The following MIB1 variants were observed in gnomAD, a reference collection of about 807,000 sequenced individuals.
MIB1 encodes the protein MIB E3 ubiquitin protein ligase 1.
In MIB1, 278 loss-of-function variants were observed where a neutral mutation model predicts 124.5. The observed-to-expected ratio is 2.23, with a 90% CI of 2.02 to 2.47. The LOEUF (loss-of-function observed/expected upper bound fraction) is 2.47. Among genes scored for constraint, MIB1 ranks in the 30% most tolerant of loss-of-function variants. The pLI, the probability that MIB1 is intolerant of heterozygous loss-of-function variation, is 0.00. For synonymous variants in MIB1, 446 were observed against 429.4 expected, an observed-to-expected ratio of 1.04 and a Z score of -0.48; for missense variants, 957 against 1,254.4, an observed-to-expected ratio of 0.76 and a Z score of 3.58.
At position 21,849,300 on chromosome 18, in the gene MIB1, C is replaced by T. The variant is rs756703693; in HGVS notation, c.2498C>T (p.Pro833Leu). Residue 833 changes from proline to leucine, a missense_variant, in exon 17 of 21, where the codon CCA becomes CTA. Transcript: ENST00000261537. ...SDMKRDTLFG[P>L]CGHIATCSLC... ...ATGAAGAGAGATACTCTTTTTGGTCCATGTGGACATATTGCTACCTGTTCT... is the reference window on the plus strand; with the variant it reads ...ATGAAGAGAGATACTCTTTTTGGTCTATGTGGACATATTGCTACCTGTTCT... 1.5e-5 allele frequency: 24 copies of T among 1,612,566 alleles called. No individual in the cohort carries two copies. Among genetic ancestry groups the T allele is most frequent in the Non-Finnish European group, 2.0e-5 (23 of 1,179,208 alleles).
intron 1 of MIB1, among the ~76,000 whole-genome samples, chr18:21,708,745 GTCT>G (rs1242742124): frequency 2.1e-4 from 32 of 152,260 alleles, no homozygotes; most frequent in African/African-American, 6.7e-4. Flanking sequence ...TTCAATCAGT[GTCT>G]TCTTGGGTGA....
chr18:21,860,425 A>G (rs1305217497), intron 20 of MIB1, among the ~76,000 whole-genome samples: 8 of 152,006 alleles, frequency 5.3e-5, no homozygotes, highest in Non-Finnish European at 1.2e-4. Flanking sequence ...ATATATATCA[A>G]CAAATATGCT....
intron 7 of MIB1, among the ~76,000 whole-genome samples, chr18:21,796,660 C>T (rs1416137933): frequency 6.6e-6 from 1 of 152,258 alleles, no homozygotes; most frequent in East Asian, 1.9e-4. Context: ...AATAACCAAA[C>T]TTAGTGCCCA....
chr18:21,793,631 A>G (rs1187430052), intron 7 of MIB1, among the ~76,000 whole-genome samples: 1 of 151,530 alleles, frequency 6.6e-6, no homozygotes, highest in Non-Finnish European at 1.5e-5. Context: ...AAATACAAAA[A>G]TTAGCCAGGT....
chr18:21,767,110 A>G (rs1483790220), intron 2 of MIB1, among the ~76,000 whole-genome samples: 1 of 152,132 alleles, frequency 6.6e-6, no homozygotes. Flanking sequence ...TAAAATCCAG[A>G]CCACAGATGT....
intron 1 of MIB1, among the ~76,000 whole-genome samples, chr18:21,721,744 A>T (rs2040716793): frequency 6.6e-6 from 1 of 152,164 alleles, no homozygotes; most frequent in Non-Finnish European, 1.5e-5. Flanking sequence ...AATTATGTTT[A>T]AAAATATATT....
chr18:21,772,675 G>GTA (rs971548041), intron 3 of MIB1, among the ~76,000 whole-genome samples: 21 of 151,900 alleles, frequency 1.4e-4, no homozygotes, highest in East Asian at 3.9e-4. Context: ...GGCAACCCCA[G>GTA]TATATATATA....
At chr18:21,724,712 CAAA>C (rs1193584277) in intron 1 of MIB1, among the ~76,000 whole-genome samples, 57 of 20,734 alleles carry the variant, frequency 2.7e-3, no homozygotes, top group East Asian at 9.3e-3. Context: ...CTCCCCCATC[CAAA>C]AAAAAAAAAA....
intron 2 of MIB1, among the ~76,000 whole-genome samples, chr18:21,767,657 C>T (rs1472888663): frequency 1.3e-5 from 2 of 152,088 alleles, no homozygotes; most frequent in African/African-American, 4.8e-5. Flanking sequence ...ACGCCATTCT[C>T]CTGCCTCAGC....
intron 6 of MIB1, among the ~76,000 whole-genome samples, chr18:21,786,316 C>T (rs1023312157): frequency 6.6e-6 from 1 of 152,178 alleles, no homozygotes; most frequent in African/African-American, 2.4e-5. Flanking sequence ...CGAAGATGGT[C>T]TCAATCTCCT....
intron 12 of MIB1, chr18:21,830,629 T>G (rs2041970278): frequency 6.6e-6 from 1 of 152,122 alleles, no homozygotes; most frequent in African/African-American, 2.4e-5. Context: ...CCTGTAAGCT[T>G]AGTGTCATGC....
intron 5 of MIB1, among the ~76,000 whole-genome samples, chr18:21,778,908 T>TG (rs1294773908): frequency 6.6e-6 from 1 of 152,082 alleles, no homozygotes; most frequent in African/African-American, 2.4e-5. Flanking sequence ...ATAAGAAAAA[T>TG]GCAAAATCAA....
intron 1 of MIB1, among the ~76,000 whole-genome samples, chr18:21,756,483 G>T (rs538380338): frequency 6.8e-4 from 102 of 149,866 alleles, no homozygotes; most frequent in African/African-American, 2.4e-3. Context: ...ATTTTTTTTT[G>T]AGATGAAATC....
intron 12 of MIB1, chr18:21,825,926 T>C (rs1457353593): frequency 2.9e-6 from 1 of 343,332 alleles, no homozygotes; most frequent in African/African-American, 2.2e-5. Context: ...GAAGTCACTT[T>C]CCTACTGTTT....
At chr18:21,837,084 G>T (rs1016257890) in intron 12 of MIB1, among the ~76,000 whole-genome samples, 1 of 152,256 alleles carries the variant, frequency 6.6e-6, no homozygotes, top group Middle Eastern at 3.4e-3. Context: ...GCATTTCTCT[G>T]GAGGAGAGCC....
chr18:21,714,525 G>T (rs1246603420), intron 1 of MIB1, among the ~76,000 whole-genome samples: 2 of 152,112 alleles, frequency 1.3e-5, no homozygotes, highest in Non-Finnish European at 2.9e-5. Flanking sequence ...TCCTTCTCCA[G>T]GGTCCTTGGG....
At chr18:21,810,535 G>A (rs769801932) in intron 10 of MIB1, among the ~76,000 whole-genome samples, 5 of 151,750 alleles carry the variant, frequency 3.3e-5, no homozygotes, top group Non-Finnish European at 7.4e-5. Context: ...CTAACATAAG[G>A]GTGGACATAA....
At position 21,741,102 on chromosome 18, in the gene MIB1, C is replaced by T. The variant is rs2040843871; in HGVS notation, c.-482C>T. ...CCCACGGGGGAGGAGGCGGCGCCGG[C>T]GCTTGGGTGCCCGCCCCCGAGCGAG... On this transcript the variant is annotated 5_prime_UTR_variant, in exon 1 of 21. Coordinates refer to ENST00000261537, the MANE Select transcript of MIB1 (RefSeq NM_020774.4). The surrounding 1 kb of genome is among the most constrained non-coding windows in gnomAD (Gnocchi z 5.4). Among the ~76,000 whole-genome samples, 1 of 152,070 alleles carries T rather than the reference C, an allele frequency of 6.6e-6. No homozygotes were observed. The highest frequency in any genetic ancestry group is 1.9e-4 in the East Asian group (1 of 5,152).
rs1362515321 is a variant in MIB1, at chr18:21,847,072, T to C, written c.2340T>C (p.Cys780=). ...NKKGQSPLDL[C]PDPNLCKALA... is the part of the protein sequence containing the mutation. ...AGGGTCAATCGCCACTTGATCTCTGTCCTGATCCGAATCTCTGCAAAGCAC... is the reference window on the plus strand; with the variant it reads ...AGGGTCAATCGCCACTTGATCTCTGCCCTGATCCGAATCTCTGCAAAGCAC... The change falls in exon 16 of 21, where the codon TGT becomes TGC. Residue 780 remains cysteine, a synonymous_variant. Coordinates refer to ENST00000261537, the MANE Select transcript of MIB1 (RefSeq NM_020774.4). 2 of 1,614,194 alleles carry C rather than the reference T, an allele frequency of 1.2e-6. No homozygotes were observed. The highest frequency in any genetic ancestry group is 1.7e-6 in the Non-Finnish European group (2 of 1,180,024).
Sources: gnomAD v4.1 joint callset for allele counts (sites outside exome capture counted in the v4.1 genomes callset) on GRCh38, gnomAD v4.1.1 for gene constraint, Gnocchi (gnomAD v3.1) non-coding constraint, MANE v1.5 for transcripts, NCBI Gene and HGNC (gene_info 2026-07-23, HGNC 2026-07-21) for gene names.